GALNT2: variants seen among roughly 807,000 people sequenced by gnomAD.
GALNT2 encodes the protein polypeptide N-acetylgalactosaminyltransferase 2.
A neutral mutation model predicts 81.4 loss-of-function variants in GALNT2; 31 were observed. That is an observed-to-expected ratio of 0.38 (90% CI 0.29 to 0.51). GALNT2 has a LOEUF of 0.51. Ranked by LOEUF, GALNT2 falls within the 20% of genes least tolerant of loss-of-function variation. GALNT2 has a pLI of 0.87. For synonymous variants in GALNT2, 303 were observed against 287.4 expected, an observed-to-expected ratio of 1.05 and a Z score of -0.55; for missense variants, 629 against 765.7, an observed-to-expected ratio of 0.82 and a Z score of 2.11.
intron 3 of GALNT2, among the ~76,000 whole-genome samples, chr1:230,222,031 C>CTCTTTTTTTTTTTTTTTTTTTTT (rs1553270493): frequency 1.8e-4 from 17 of 96,126 alleles, no homozygotes; most frequent in African/African-American, 2.6e-4. Flanking sequence ...CTGCTTTTCT[C>CTCTTTTTTTTTTTTTTTTTTTTT]TTTTTTTTTT....
chr1:230,194,080 C>T (rs1433195817), intron 2 of GALNT2, among the ~76,000 whole-genome samples: 1 of 152,226 alleles, frequency 6.6e-6, no homozygotes, highest in East Asian at 1.9e-4. Flanking sequence ...AGCTATAACT[C>T]AGAGCCTGGT....
chr1:230,136,630 C>T (rs766207633), intron 1 of GALNT2, among the ~76,000 whole-genome samples: 6 of 152,070 alleles, frequency 3.9e-5, no homozygotes, highest in Admixed American at 6.6e-5. Context: ...TCTGCTCTGC[C>T]GCGCCCCTTC....
At chr1:230,171,295 C>T (rs531700617) in intron 1 of GALNT2, among the ~76,000 whole-genome samples, 1 of 152,216 alleles carries the variant, frequency 6.6e-6, no homozygotes, top group Non-Finnish European at 1.5e-5. Context: ...AATGTCTTAG[C>T]TTTGCAGCTT....
upstream of GALNT2, among the ~76,000 whole-genome samples, chr1:230,065,345 G>C (rs1297575418): frequency 6.6e-6 from 1 of 151,962 alleles, no homozygotes; most frequent in Non-Finnish European, 1.5e-5. Flanking sequence ...TTTCCTTCTT[G>C]AATTTGCTCA....
chr1:230,066,824 C>A (rs1342907108), upstream of GALNT2, among the ~76,000 whole-genome samples: 3 of 152,074 alleles, frequency 2.0e-5, no homozygotes, highest in Non-Finnish European at 4.4e-5. Context: ...TGCGCGCGCT[C>A]CAGTCGGGTC....
chr1:230,230,219 CT>C lies in GALNT2; in HGVS notation c.375-5784del, dbSNP rs931096662. Reference sequence around the variant, plus strand: ...CCCCTCAGCTTTGCAAACCCAGAAACTTTTTTTTTTTCTTAGTTTTTTGCCT... The same window carrying C: ...CCCCTCAGCTTTGCAAACCCAGAAACTTTTTTTTTTCTTAGTTTTTTGCCT... On this transcript the variant is annotated intron_variant, in intron 3 of 15. Transcript: ENST00000366672. Among the ~76,000 whole-genome samples the C allele has an allele frequency of 8.6e-4, 128 of 148,818 alleles. 1 individual carries two copies. The highest frequency in any genetic ancestry group is 2.4e-3 in the African/African-American group (98 of 40,684).
At chr1:230,140,544 C>A (rs149202536) in intron 1 of GALNT2, among the ~76,000 whole-genome samples, 1 of 152,150 alleles carries the variant, frequency 6.6e-6, no homozygotes, top group Non-Finnish European at 1.5e-5. Flanking sequence ...GCCTCGGAAC[C>A]GGGAGTACTG....
At chr1:230,209,267 C>A (rs868280882) in intron 3 of GALNT2, among the ~76,000 whole-genome samples, 3 of 152,054 alleles carry the variant, frequency 2.0e-5, no homozygotes, top group South Asian at 4.1e-4. Flanking sequence ...AAGTTTCTTA[C>A]GTTGAAGTCC....
chr1:230,194,710 A>G (rs1572072320), intron 2 of GALNT2, among the ~76,000 whole-genome samples: 1 of 152,228 alleles, frequency 6.6e-6, no homozygotes, highest in Non-Finnish European at 1.5e-5. Flanking sequence ...ACAGTGCCAC[A>G]GGCCTCTGGG....
intron 1 of GALNT2, among the ~76,000 whole-genome samples, chr1:230,116,445 G>GTCTCGATCTCCTGA (rs1310597308): frequency 6.6e-5 from 10 of 152,156 alleles, no homozygotes; most frequent in Non-Finnish European, 1.2e-4. Context: ...GGGCAGGATG[G>GTCTCGATCTCCTGA]TCTCGATCTC....
intron 1 of GALNT2, among the ~76,000 whole-genome samples, chr1:230,172,247 C>G (rs72651070): frequency 0.064 from 9,670 of 152,222 alleles, 634 homozygotes; most frequent in African/African-American, 0.17. Flanking sequence ...ACTGGGGAAG[C>G]CAGCCGCCTC....
chr1:230,086,909 A>T (rs1194922827), intron 1 of GALNT2, among the ~76,000 whole-genome samples: 2 of 152,168 alleles, frequency 1.3e-5, no homozygotes, highest in Non-Finnish European at 2.9e-5. Context: ...CCCTTAGACA[A>T]GTACCTTTCT....
At position 230,220,778 on chromosome 1, in the gene GALNT2, G is replaced by C. The variant is rs78558736; in HGVS notation, c.375-15236G>C. ...TCAGACCCGCCCTAAGGAAATCATG[G>C]TATGATGTGACGGTGATGCTAATGA... On this transcript the variant is annotated intron_variant, in intron 3 of 15. Transcript: ENST00000366672. 5.5e-3 allele frequency among the ~76,000 whole-genome samples: 839 copies of C among 152,252 alleles called. 7 individuals carry two copies. Among genetic ancestry groups the C allele is most frequent in the African/African-American group, 0.019 (801 of 41,528 alleles).
chr1:230,228,257 G>A (rs1181104897), intron 3 of GALNT2, among the ~76,000 whole-genome samples: 1 of 152,152 alleles, frequency 6.6e-6, no homozygotes, highest in Non-Finnish European at 1.5e-5. Flanking sequence ...TCAGTGCAGT[G>A]TCATGCAGGG....
At position 230,243,447 on chromosome 1, in the gene GALNT2, G is replaced by T. The variant is rs199981857; in HGVS notation, c.729+20G>T. 312 of 1,608,464 alleles carry T rather than the reference G, an allele frequency of 1.9e-4. 1 individual carries two copies. The highest frequency in any genetic ancestry group is 2.5e-4 in the Non-Finnish European group (297 of 1,179,500). ...GCGGAGGTGAGATGACGGGGGCTGG[G>T]AGGGGTGTCAGGTCGTGGGTGGTTG... On this transcript the variant is annotated intron_variant, in intron 7 of 15. Transcript: ENST00000366672. This position sits in a 1 kb window ranked among gnomAD's most constrained non-coding sequence, Gnocchi z 4.2.
At chr1:230,088,720 G>A (rs1659970594) in intron 1 of GALNT2, among the ~76,000 whole-genome samples, 1 of 151,978 alleles carries the variant, frequency 6.6e-6, no homozygotes, top group Non-Finnish European at 1.5e-5. Flanking sequence ...CATAGTTTTA[G>A]TACAGACGGG....
intron 2 of GALNT2, among the ~76,000 whole-genome samples, chr1:230,182,048 T>C (rs1663176272): frequency 6.6e-6 from 1 of 152,230 alleles, no homozygotes; most frequent in African/African-American, 2.4e-5. Flanking sequence ...CTATTCCGTA[T>C]TGTCCTTTTC....
At chr1:230,128,594 GGACTTTC>G (rs951064469) in intron 1 of GALNT2, among the ~76,000 whole-genome samples, 1 of 149,290 alleles carries the variant, frequency 6.7e-6, no homozygotes, top group Non-Finnish European at 1.5e-5. Context: ...CTTAGAGAAG[GGACTTTC>G]ATAAGGGTGT....
intron 1 of GALNT2, among the ~76,000 whole-genome samples, chr1:230,116,464 G>A (rs562086530): frequency 2.0e-5 from 3 of 152,152 alleles, no homozygotes; most frequent in Non-Finnish European, 2.9e-5. Flanking sequence ...TCCTGATCTC[G>A]TGATCTACCT....
Sources: allele counts gnomAD v4.1 joint callset (sites outside exome capture counted in the v4.1 genomes callset), GRCh38; gene constraint gnomAD v4.1.1; non-coding constraint Gnocchi (gnomAD v3.1); transcripts MANE v1.5; gene names NCBI Gene and HGNC (gene_info 2026-07-23, HGNC 2026-07-21).